The following MAGI2 variants were observed in gnomAD, a reference collection of about 807,000 sequenced individuals.
MAGI2 encodes the protein membrane associated guanylate kinase, WW and PDZ domain containing 2.
In MAGI2, 35 loss-of-function variants were observed where a neutral mutation model predicts 133.3. The observed-to-expected ratio is 0.26, with a 90% CI of 0.20 to 0.35. MAGI2 has a LOEUF of 0.35. Ranked by LOEUF, MAGI2 falls within the 10% of genes least tolerant of loss-of-function variation. The probability of loss-of-function intolerance (pLI) is 1.00; values close to 1 mark genes in which losing one functional copy is unlikely to be tolerated. For missense variants in MAGI2, 1,636 were observed against 1,863.4 expected, an observed-to-expected ratio of 0.88 and a Z score of 2.25; for synonymous variants, 729 against 710.6, an observed-to-expected ratio of 1.03 and a Z score of -0.41.
chr7:78,760,188 C>T (rs13246802), intron 2 of MAGI2, among the ~76,000 whole-genome samples: 62,697 of 151,776 alleles, frequency 0.41, 13,416 homozygotes, highest in Non-Finnish European at 0.48. Context: ...TCTGAGAGCA[C>T]CTGCCTTTTA....
chr7:79,186,743 A>G (rs1392550005), intron 1 of MAGI2, among the ~76,000 whole-genome samples: 1 of 104,704 alleles, frequency 9.6e-6, no homozygotes, highest in Non-Finnish European at 2.1e-5. Context: ...ATATATATTT[A>G]TACAAAAGTA....
At chr7:79,261,449 A>G (rs965288827) in intron 1 of MAGI2, among the ~76,000 whole-genome samples, 6 of 152,210 alleles carry the variant, frequency 3.9e-5, no homozygotes, top group African/African-American at 1.4e-4. Context: ...ACATAGTTCA[A>G]GCCTAAGGTT....
At chr7:79,133,550 T>C (rs1026562219) in intron 1 of MAGI2, among the ~76,000 whole-genome samples, 1 of 152,226 alleles carries the variant, frequency 6.6e-6, no homozygotes, top group Middle Eastern at 3.2e-3. Flanking sequence ...TTTTGGTAAC[T>C]ACAGCCTAGA....
chr7:78,104,518 A>G (rs1469067325), intron 20 of MAGI2, among the ~76,000 whole-genome samples: 2 of 151,864 alleles, frequency 1.3e-5, no homozygotes, highest in Admixed American at 6.6e-5. Context: ...CACCGCGCCC[A>G]GCCCGGATTT....
intron 1 of MAGI2, among the ~76,000 whole-genome samples, chr7:79,113,438 G>A (rs1819114767): frequency 6.6e-6 from 1 of 152,028 alleles, no homozygotes; most frequent in Admixed American, 6.5e-5. Context: ...ATTGTCACAC[G>A]GGTTTGTCAT....
chr7:78,957,775 C>T (rs566615691), intron 2 of MAGI2, among the ~76,000 whole-genome samples: 1 of 152,222 alleles, frequency 6.6e-6, no homozygotes, highest in East Asian at 1.9e-4. Flanking sequence ...AGCCTGGCTC[C>T]AGAGTTGGCA....
At chr7:79,192,762 A>G (rs1200462546) in intron 1 of MAGI2, among the ~76,000 whole-genome samples, 2 of 151,906 alleles carry the variant, frequency 1.3e-5, no homozygotes, top group Non-Finnish European at 2.9e-5. Context: ...CACAGTGAAG[A>G]GTTTGGATTT....
intron 2 of MAGI2, among the ~76,000 whole-genome samples, chr7:78,730,536 C>T (rs1348452544): frequency 2.6e-5 from 4 of 151,866 alleles, no homozygotes; most frequent in Admixed American, 6.6e-5. Context: ...TAGTGCTATG[C>T]TATTGAAAAA....
chr7:78,694,385 T>C (rs1817281577), intron 2 of MAGI2, among the ~76,000 whole-genome samples: 1 of 152,192 alleles, frequency 6.6e-6, no homozygotes, highest in African/African-American at 2.4e-5. Context: ...AGCATCGCTC[T>C]CATGAGTTCT....
At chr7:78,481,274 G>T (rs963761610) in intron 6 of MAGI2, among the ~76,000 whole-genome samples, 1 of 151,952 alleles carries the variant, frequency 6.6e-6, no homozygotes, top group Non-Finnish European at 1.5e-5. Context: ...CATGGCAGAA[G>T]GGGAAGCAGA....
At chr7:79,186,284 A>G (rs899300143) in intron 1 of MAGI2, among the ~76,000 whole-genome samples, 8 of 144,494 alleles carry the variant, frequency 5.5e-5, no homozygotes, top group Admixed American at 1.4e-4. Context: ...TTTAAACTAT[A>G]TATATAAAGT....
chr7:79,255,879 A>G (rs1833645622), intron 1 of MAGI2, among the ~76,000 whole-genome samples: 1 of 152,236 alleles, frequency 6.6e-6, no homozygotes, highest in African/African-American at 2.4e-5. Flanking sequence ...GGCAAAATTA[A>G]GGATTTGGAT....
intron 2 of MAGI2, among the ~76,000 whole-genome samples, chr7:78,949,195 T>C (rs945658695): frequency 6.6e-6 from 1 of 152,168 alleles, no homozygotes; most frequent in Non-Finnish European, 1.5e-5. Context: ...CAACAAACAG[T>C]GTTTTAAACA....
chr7:78,937,246 A>G (rs898174436), intron 2 of MAGI2, among the ~76,000 whole-genome samples: 1 of 152,136 alleles, frequency 6.6e-6, no homozygotes, highest in African/African-American at 2.4e-5. Context: ...AATGATAGTA[A>G]TGAGTTATAA....
At chr7:79,446,239 C>T (rs1266176089) in intron 1 of MAGI2, among the ~76,000 whole-genome samples, 2 of 152,096 alleles carry the variant, frequency 1.3e-5, no homozygotes, top group African/African-American at 4.8e-5. Flanking sequence ...ATGGGTGTAG[C>T]ACACCAGCAT....
intron 6 of MAGI2, among the ~76,000 whole-genome samples, chr7:78,374,112 A>G (rs890597056): frequency 6.6e-6 from 1 of 152,124 alleles, no homozygotes; most frequent in African/African-American, 2.4e-5. Flanking sequence ...TTGGGTGTAT[A>G]CCCTGTAACA....
chr7:79,073,000 T>A (rs1815127093), intron 1 of MAGI2, among the ~76,000 whole-genome samples: 1 of 152,150 alleles, frequency 6.6e-6, no homozygotes, highest in South Asian at 2.1e-4. Context: ...CACAGATTTC[T>A]TTTCTGTAGG....
chr7:78,328,870 T>C (rs949152710), intron 9 of MAGI2, among the ~76,000 whole-genome samples: 2 of 152,030 alleles, frequency 1.3e-5, no homozygotes, highest in Non-Finnish European at 2.9e-5. Flanking sequence ...GTGAAAATAT[T>C]AGGACGTAAT....
intron 2 of MAGI2, among the ~76,000 whole-genome samples, chr7:78,705,825 T>G (rs1040474908): frequency 6.6e-6 from 1 of 152,156 alleles, no homozygotes; most frequent in African/African-American, 2.4e-5. Context: ...AAATGAACTT[T>G]TCTAAAGCAA....
Sources: allele counts gnomAD v4.1 joint callset (sites outside exome capture counted in the v4.1 genomes callset), GRCh38; gene constraint gnomAD v4.1.1; transcripts MANE v1.5; gene names NCBI Gene and HGNC (gene_info 2026-07-23, HGNC 2026-07-21).